Variants in ACBD6 observed in about 807,000 individuals in gnomAD.
ACBD6 encodes the protein acyl-CoA binding domain containing 6, also known as acyl-CoA-binding domain-containing protein 6.
ACBD6 carries 28 observed loss-of-function variants against 37.2 expected under a neutral mutation model. That is an observed-to-expected ratio of 0.75 (90% CI 0.56 to 1.03). The LOEUF is 1.03. Among genes scored for constraint, ACBD6 ranks in the 50% least tolerant of loss-of-function variants. The pLI, the probability that ACBD6 is intolerant of heterozygous loss-of-function variation, is 0.00. For synonymous variants in ACBD6, 113 were observed against 126.8 expected (o/e 0.89, Z 0.73); for missense variants, 340 against 337.4 (o/e 1.01, Z -0.06).
At chr1:180,427,629 T>G (rs1045556092) in intron 4 of ACBD6, among the ~76,000 whole-genome samples, 2 of 152,076 alleles carry the variant, frequency 1.3e-5, no homozygotes, top group Non-Finnish European at 2.9e-5. Flanking sequence ...TTTCAGTACA[T>G]AAGAATTTTC....
chr1:180,297,651 T>C (rs1452730298), intron 7 of ACBD6, among the ~76,000 whole-genome samples: 4 of 152,176 alleles, frequency 2.6e-5, no homozygotes, highest in Non-Finnish European at 4.4e-5. Flanking sequence ...AGAGACGGTA[T>C]CATCTTTACC....
chr1:180,365,301 A>G (rs1411982000), intron 6 of ACBD6, among the ~76,000 whole-genome samples: 2 of 152,172 alleles, frequency 1.3e-5, no homozygotes, highest in Non-Finnish European at 2.9e-5. Context: ...ATATTTGCAG[A>G]TTTTTCAAGA....
chr1:180,399,874 G>A (rs1302100937), intron 5 of ACBD6, among the ~76,000 whole-genome samples: 1 of 131,638 alleles, frequency 7.6e-6, no homozygotes, highest in Non-Finnish European at 1.6e-5. Context: ...GCATTTTATG[G>A]CTATTAGGTT....
intron 6 of ACBD6, among the ~76,000 whole-genome samples, chr1:180,387,037 T>C (rs574890702): frequency 6.6e-6 from 1 of 152,350 alleles, no homozygotes; most frequent in African/African-American, 2.4e-5. Context: ...GTTTCTCTAT[T>C]TGGGTTTCTT....
intron 6 of ACBD6, among the ~76,000 whole-genome samples, chr1:180,316,440 G>C (rs1650817261): frequency 6.6e-6 from 1 of 151,986 alleles, no homozygotes; most frequent in African/African-American, 2.4e-5. Flanking sequence ...TTCAGAAAAA[G>C]CTTAATCTAC....
chr1:180,449,082 G>A (rs1453191340), intron 3 of ACBD6, among the ~76,000 whole-genome samples: 2 of 152,002 alleles, frequency 1.3e-5, no homozygotes, highest in African/African-American at 4.8e-5. Flanking sequence ...GCTAAAGTTG[G>A]TATGTTTCCA....
rs57465003 is a variant in ACBD6 at position 180,470,903 on chromosome 1, T to C, written c.384+21366A>G. Reference sequence around the variant, plus strand: ...GAGACCAAATGCCACTGTGTGAAGATAGGTAAAAATAATTGACTGCTCAAT... The same window carrying C: ...GAGACCAAATGCCACTGTGTGAAGACAGGTAAAAATAATTGACTGCTCAAT... On this transcript the variant is annotated intron_variant, in intron 3 of 7. Transcript: ENST00000367595. 6.7e-3 allele frequency among the ~76,000 whole-genome samples: 1,016 copies of C among 152,346 alleles called. 17 individuals are homozygous for C. Among genetic ancestry groups the C allele is most frequent in the African/African-American group, 0.023 (969 of 41,578 alleles).
At chr1:180,424,162 G>T (rs1161708620) in intron 4 of ACBD6, among the ~76,000 whole-genome samples, 4 of 152,042 alleles carry the variant, frequency 2.6e-5, no homozygotes, top group African/African-American at 9.7e-5. Flanking sequence ...ATTAACAGCA[G>T]CGTTACTAAC....
At chr1:180,483,562 GAAAT>G (rs1332583668) in intron 3 of ACBD6, among the ~76,000 whole-genome samples, 1 of 152,040 alleles carries the variant, frequency 6.6e-6, no homozygotes, top group Non-Finnish European at 1.5e-5. Flanking sequence ...ACTAATGTGT[GAAAT>G]AAATGACTGA....
At chr1:180,484,806 C>T (rs888709000) in intron 3 of ACBD6, among the ~76,000 whole-genome samples, 5 of 152,004 alleles carry the variant, frequency 3.3e-5, no homozygotes, top group African/African-American at 1.2e-4. Context: ...TGGCTCACAC[C>T]TTTAATCCCA....
At chr1:180,445,258 G>A (rs1649432563) in intron 3 of ACBD6, among the ~76,000 whole-genome samples, 1 of 152,184 alleles carries the variant, frequency 6.6e-6, no homozygotes, top group Non-Finnish European at 1.5e-5. Flanking sequence ...ACAAGATGTT[G>A]TGATGTGGGG....
chr1:180,408,718 CAGAG>C (rs964638246), intron 5 of ACBD6, among the ~76,000 whole-genome samples: 75 of 150,962 alleles, frequency 5.0e-4, no homozygotes, highest in African/African-American at 1.6e-3. Flanking sequence ...TTAGGAGGGT[CAGAG>C]AGAGAGAGGG....
chr1:180,308,646 T>C (rs1446786667), intron 7 of ACBD6, among the ~76,000 whole-genome samples: 1 of 152,216 alleles, frequency 6.6e-6, no homozygotes, highest in East Asian at 1.9e-4. Flanking sequence ...AAACGAAGGA[T>C]ATAGCCTTTT....
chr1:180,397,082 T>A (rs189107696), intron 6 of ACBD6, among the ~76,000 whole-genome samples: 1 of 152,102 alleles, frequency 6.6e-6, no homozygotes, highest in Non-Finnish European at 1.5e-5. Context: ...ATAAACAACA[T>A]TTGGGATATC....
chr1:180,292,351 T>A (rs1649742314), intron 7 of ACBD6, among the ~76,000 whole-genome samples: 1 of 152,186 alleles, frequency 6.6e-6, no homozygotes, highest in African/African-American at 2.4e-5. Flanking sequence ...CGATAATATT[T>A]AGGAATTATA....
chr1:180,337,297 T>C (rs1651766046), intron 6 of ACBD6, among the ~76,000 whole-genome samples: 1 of 152,132 alleles, frequency 6.6e-6, no homozygotes, highest in African/African-American at 2.4e-5. Context: ...TCAAAAAGCT[T>C]ATCCACTGTG....
intron 6 of ACBD6, among the ~76,000 whole-genome samples, chr1:180,330,993 T>C (rs1651459121): frequency 6.6e-6 from 1 of 152,182 alleles, no homozygotes; most frequent in Admixed American, 6.5e-5. Context: ...CTGGAGTCCT[T>C]GAGGTAATTC....
In ACBD6 at chr1:180,338,915, A is replaced by C. The variant is rs531723875; in HGVS notation, c.664-24193T>G. On this transcript the variant is annotated intron_variant, in intron 6 of 7. Coordinates refer to ENST00000367595, the MANE Select transcript of ACBD6 (RefSeq NM_032360.4). ...CAAAAGAAGACATTTATGCAGCCAA[A>C]AGACACATGAAAAGATGCTTATCAT... Among the ~76,000 whole-genome samples the C allele has an allele frequency of 1.6e-3, 238 of 152,350 alleles. 1 individual carries two copies. The highest frequency in any genetic ancestry group is 2.5e-3 in the Non-Finnish European group (173 of 68,028).
rs907013453 is a variant in ACBD6, at chr1:180,427,677, C to T, written c.467+2503G>A. ...GCGGCTCACGCCTGTAATCCCAGCA[C>T]TTTGGGGAGGCCAAGGCAGGTGGAT... is the stretch of plus-strand genomic sequence containing the variant. On this transcript the variant is annotated intron_variant, in intron 4 of 7. Coordinates refer to ENST00000367595, the MANE Select transcript of ACBD6 (RefSeq NM_032360.4). 6.3e-4 allele frequency among the ~76,000 whole-genome samples: 96 copies of T among 152,252 alleles called. 1 individual carries two copies. The highest frequency in any genetic ancestry group is 2.2e-3 in the African/African-American group (91 of 41,532).
Sources: gnomAD v4.1 joint callset for allele counts (sites outside exome capture counted in the v4.1 genomes callset) on GRCh38, gnomAD v4.1.1 for gene constraint, MANE v1.5 for transcripts, NCBI Gene and HGNC (gene_info 2026-07-23, HGNC 2026-07-21) for gene names.